The following KRT8 variants were observed in gnomAD, a reference collection of about 807,000 sequenced individuals.
KRT8 encodes keratin 8.
In KRT8, 24 loss-of-function variants were observed where a neutral mutation model predicts 43.0. That is an observed-to-expected ratio of 0.56 (90% CI 0.40 to 0.78). The LOEUF (loss-of-function observed/expected upper bound fraction) is 0.78. Among genes scored for constraint, KRT8 ranks in the 30% least tolerant of loss-of-function variants. The pLI is 0.00. For synonymous variants in KRT8, 214 were observed against 261.2 expected (o/e 0.82, Z 1.74); for missense variants, 492 against 638.4 (o/e 0.77, Z 2.47).
intron 2 of KRT8, among the ~76,000 whole-genome samples, chr12:52,928,102 G>A (rs751207742): frequency 1.3e-5 from 2 of 152,184 alleles, no homozygotes; most frequent in Non-Finnish European, 2.9e-5. Context: ...CCTTTGTGCT[G>A]GGGAAAAGAA....
Position 52,897,575 on chromosome 12 carries a change from G to A in KRT8, c.1305C>T (p.Leu435=), listed in dbSNP as rs371150067. ...CAAAGCTGGAGCCCAGGCTGTAGCT[G>A]AGGCCGGGGCTTGTGAGGCCCCCAT... The change falls in exon 8 of 8, where the codon CTC becomes CTT. Residue 435 remains leucine (L), a synonymous_variant. Coordinates refer to ENST00000692008, the Ensembl canonical transcript of KRT8. 6.3e-6 allele frequency: 10 copies of A among 1,598,012 alleles called. No individual in the cohort carries two copies. In the African/African-American group the frequency reaches 1.1e-4, roughly 17 times the overall value.
In KRT8 at chr12:52,904,865, G is replaced by A. The variant is rs749972827; in HGVS notation, c.117C>T (p.Ser39=). The A allele has an allele frequency of 6.8e-6, 11 of 1,612,804 alleles. No individual in the cohort carries two copies. In the South Asian group the frequency reaches 9.9e-5, roughly 14 times the overall value. The change falls in exon 1 of 8, where the codon TCC becomes TCT. Residue 39 remains serine, a synonymous_variant. Transcript: ENST00000692008. ...CGCGAAAGTTGCTGCTGCCCACTCGGGAGAAGCTCGAGGAGCTGATGCGGG... is the reference window on the plus strand; with the variant it reads ...CGCGAAAGTTGCTGCTGCCCACTCGAGAGAAGCTCGAGGAGCTGATGCGGG...
chr12:52,902,789 ATT>A (rs1287251053), intron 1 of KRT8, among the ~76,000 whole-genome samples: 4 of 151,706 alleles, frequency 2.6e-5, no homozygotes, highest in African/African-American at 9.7e-5. Flanking sequence ...AGGCAGGCGG[ATT>A]TCTTGAAGTC....
intron 1 of KRT8, among the ~76,000 whole-genome samples, chr12:52,904,289 G>A (rs1435654409): frequency 1.3e-5 from 2 of 152,224 alleles, no homozygotes; most frequent in African/African-American, 2.4e-5. Context: ...GTTGGGGTGA[G>A]AACAATAACC....
rs561937608 is a variant in KRT8 at position 52,948,793 on chromosome 12, A to G, written c.-47+663T>C. Reference sequence around the variant, plus strand: ...GCGTGAGCCACTGCGCCCGGTCAAGACTCCCAAATTTCAAACTCGCCAGCA... The same window carrying G: ...GCGTGAGCCACTGCGCCCGGTCAAGGCTCCCAAATTTCAAACTCGCCAGCA... On this transcript the variant is annotated intron_variant, in intron 2 of 6. Transcript: ENST00000546826. The G allele has an allele frequency of 3.2e-3, 1,285 of 407,592 alleles. 6 individuals are homozygous for G. Among genetic ancestry groups the G allele is most frequent in the South Asian group, 2.5e-3 (21 of 8,478 alleles). The allele number at this position is 407,592 out of a possible 1,614,324, so 25.2% of individuals were successfully genotyped here.
intron 2 of KRT8, among the ~76,000 whole-genome samples, chr12:52,946,140 C>T (rs558667220): frequency 6.6e-5 from 10 of 152,298 alleles, no homozygotes; most frequent in African/African-American, 2.4e-4. Context: ...CACGCTGCAC[C>T]TCCACAGGTC....
intron 2 of KRT8, among the ~76,000 whole-genome samples, chr12:52,936,150 G>A (rs1942166620): frequency 6.6e-6 from 1 of 152,098 alleles, no homozygotes; most frequent in Non-Finnish European, 1.5e-5. Context: ...TACTCGGGAG[G>A]CCGAGGCAGG....
At chr12:52,915,842 G>C (rs998060797) in intron 2 of KRT8, among the ~76,000 whole-genome samples, 1 of 152,216 alleles carries the variant, frequency 6.6e-6, no homozygotes, top group African/African-American at 2.4e-5. Flanking sequence ...CAGGTATAAA[G>C]ATATCCGTGT....
chr12:52,947,504 G>C (rs1942365292), intron 2 of KRT8: 1 of 151,950 alleles, frequency 6.6e-6, no homozygotes, highest in Admixed American at 6.6e-5. Flanking sequence ...TTTTGAGTCA[G>C]AGTTTCGCTC....
chr12:52,915,640 G>A (rs1328750996), intron 2 of KRT8, among the ~76,000 whole-genome samples: 2 of 151,676 alleles, frequency 1.3e-5, no homozygotes, highest in African/African-American at 2.4e-5. Context: ...AACCCAGGAG[G>A]CAGAGGCTGC....
At chr12:52,906,913 G>A (rs1316497628), upstream of KRT8, 4 of 371,502 alleles carry the variant, frequency 1.1e-5, no homozygotes, top group African/African-American at 4.2e-5. Flanking sequence ...GAGAGACCCA[G>A]AAGCCCCCTC....
At chr12:52,938,136 CTATATATA>C (rs1161700326) in intron 2 of KRT8, among the ~76,000 whole-genome samples, 2 of 44,054 alleles carry the variant, frequency 4.5e-5, no homozygotes, top group African/African-American at 8.2e-5. Context: ...CACTAGAAAG[CTATATATA>C]TATATATATA....
intron 2 of KRT8, among the ~76,000 whole-genome samples, chr12:52,917,260 G>A (rs1459021985): frequency 6.6e-6 from 1 of 152,082 alleles, no homozygotes; most frequent in East Asian, 1.9e-4. Flanking sequence ...TTAGCCGGGT[G>A]TGGTGGTGGT....
chr12:52,938,172 T>TATATATA (rs1565733045), intron 2 of KRT8, among the ~76,000 whole-genome samples: 7 of 22,402 alleles, frequency 3.1e-4, no homozygotes, highest in African/African-American at 1.2e-3. Flanking sequence ...ATATATATAT[T>TATATATA]TTTTTTTTTT....
chr12:52,906,835 T>A, upstream of KRT8: 1 of 453,008 alleles, frequency 2.2e-6, no homozygotes, highest in Non-Finnish European at 4.4e-6. Context: ...TTCTTCCCCA[T>A]CCTTCTCTAG....
chr12:52,918,248 A>AAGAAGAAGAAGG (rs1565725906), intron 2 of KRT8, among the ~76,000 whole-genome samples: 9 of 151,736 alleles, frequency 5.9e-5, no homozygotes, highest in African/African-American at 2.2e-4. Context: ...GAAGAAGAAG[A>AAGAAGAAGAAGG]AGAAGAAGAA....
chr12:52,917,256 G>A (rs879496068), intron 2 of KRT8, among the ~76,000 whole-genome samples: 5 of 152,014 alleles, frequency 3.3e-5, no homozygotes, highest in African/African-American at 4.8e-5. Flanking sequence ...AAAATTAGCC[G>A]GGTGTGGTGG....
intron 2 of KRT8, among the ~76,000 whole-genome samples, chr12:52,935,504 A>AAC (rs1942155898): frequency 6.7e-6 from 1 of 149,182 alleles, no homozygotes; most frequent in African/African-American, 2.5e-5. Flanking sequence ...CATCCTGGCT[A>AAC]ACACAGTGAA....
chr12:52,926,015 C>T (rs1185976194), intron 2 of KRT8, among the ~76,000 whole-genome samples: 1 of 152,162 alleles, frequency 6.6e-6, no homozygotes, highest in African/African-American at 2.4e-5. Flanking sequence ...TCCTAGCAGG[C>T]TGGTGAGACC....
Sources: allele counts gnomAD v4.1 joint callset (sites outside exome capture counted in the v4.1 genomes callset), GRCh38; gene constraint gnomAD v4.1.1; transcripts MANE v1.5; gene names NCBI Gene and HGNC (gene_info 2026-07-23, HGNC 2026-07-21).